The following NCAM2 variants were observed in gnomAD, a reference collection of about 807,000 sequenced individuals.
NCAM2 encodes N-CAM-2.
Under a neutral mutation model 98.1 loss-of-function variants are expected in NCAM2, and 30 were observed. The ratio of observed to expected loss-of-function variants is 0.31; its 90% confidence interval spans 0.23 to 0.41. The LOEUF (loss-of-function observed/expected upper bound fraction) is 0.41. Among genes scored for constraint, NCAM2 ranks in the 10% least tolerant of loss-of-function variants. The pLI, the probability that NCAM2 is intolerant of heterozygous loss-of-function variation, is 1.00. For synonymous variants in NCAM2, 368 were observed against 342.4 expected, an observed-to-expected ratio of 1.07 and a Z score of -0.83; for missense variants, 867 against 1,005.8, an observed-to-expected ratio of 0.86 and a Z score of 1.87.
At chr21:21,129,016 C>A (rs534366988) in intron 1 of NCAM2, among the ~76,000 whole-genome samples, 3 of 152,134 alleles carry the variant, frequency 2.0e-5, no homozygotes, top group African/African-American at 7.2e-5. Context: ...CCAAGAACAA[C>A]AAATATTATC....
intron 1 of NCAM2, among the ~76,000 whole-genome samples, chr21:21,272,986 C>T (rs1601833923): frequency 6.5e-4 from 1 of 1,528 alleles, no homozygotes. Context: ...CACACACATA[C>T]ACACACACAC....
chr21:21,370,698 G>T (rs1239381989), intron 8 of NCAM2, among the ~76,000 whole-genome samples: 1 of 151,672 alleles, frequency 6.6e-6, no homozygotes, highest in East Asian at 1.9e-4. Flanking sequence ...TAGACAACCT[G>T]GTCATTCAGC....
intron 12 of NCAM2, among the ~76,000 whole-genome samples, chr21:21,459,222 C>T (rs556756797): frequency 4.0e-5 from 6 of 151,724 alleles, no homozygotes; most frequent in East Asian, 3.9e-4. Flanking sequence ...TGTAGAGAAA[C>T]GGTAACAGTG....
chr21:21,011,769 T>A (rs2064216332), intron 1 of NCAM2, among the ~76,000 whole-genome samples: 1 of 151,978 alleles, frequency 6.6e-6, no homozygotes, highest in Non-Finnish European at 1.5e-5. Context: ...TATAAGTAGT[T>A]CAGATAACTC....
At chr21:21,496,992 A>G (rs549961921) in intron 15 of NCAM2, among the ~76,000 whole-genome samples, 47 of 152,160 alleles carry the variant, frequency 3.1e-4, no homozygotes, top group Non-Finnish European at 6.3e-4. Context: ...TGTATAAAGA[A>G]AATGTGGCAC....
intron 15 of NCAM2, among the ~76,000 whole-genome samples, chr21:21,493,866 C>T (rs1274228964): frequency 2.0e-5 from 3 of 151,842 alleles, no homozygotes; most frequent in South Asian, 2.1e-4. Context: ...AAGGTTTCTA[C>T]GTGTCTTTTT....
At chr21:21,401,347 CA>C (rs1256293864) in intron 9 of NCAM2, among the ~76,000 whole-genome samples, 8 of 152,114 alleles carry the variant, frequency 5.3e-5, no homozygotes, top group Admixed American at 1.3e-4. Flanking sequence ...ACTGTCTTAG[CA>C]ATTTTTAAAC....
intron 12 of NCAM2, among the ~76,000 whole-genome samples, chr21:21,440,070 A>G (rs926410431): frequency 1.3e-5 from 2 of 152,308 alleles, no homozygotes; most frequent in African/African-American, 2.4e-5. Flanking sequence ...TTCTCTTAGT[A>G]TATTTGGCTC....
intron 5 of NCAM2, among the ~76,000 whole-genome samples, chr21:21,294,116 T>G (rs1194909262): frequency 3.3e-5 from 5 of 151,728 alleles, no homozygotes; most frequent in Non-Finnish European, 7.4e-5. Flanking sequence ...TCATTACTTT[T>G]AATGACAGAC....
intron 12 of NCAM2, among the ~76,000 whole-genome samples, chr21:21,433,203 T>C (rs2077381995): frequency 6.6e-6 from 1 of 152,210 alleles, no homozygotes; most frequent in South Asian, 2.1e-4. Flanking sequence ...ATCAGTCATC[T>C]ATCATGTACC....
chr21:21,414,594 C>A (rs1002448911), intron 10 of NCAM2, among the ~76,000 whole-genome samples: 1 of 151,984 alleles, frequency 6.6e-6, no homozygotes, highest in South Asian at 2.1e-4. Flanking sequence ...CTCACCCTCC[C>A]GAGTAGCTGG....
chr21:21,503,288 T>G (rs1800224358), intron 15 of NCAM2, among the ~76,000 whole-genome samples: 1 of 151,910 alleles, frequency 6.6e-6, no homozygotes, highest in Admixed American at 6.6e-5. Context: ...ATAGAACAAT[T>G]ACAACAATTT....
In NCAM2 at chr21:21,335,978, G is replaced by A. The variant is rs189027085; in HGVS notation, c.898+313G>A. Among the ~76,000 whole-genome samples the A allele has an allele frequency of 9.9e-5, 15 of 152,134 alleles. No individual in the cohort carries two copies. In the East Asian group the frequency reaches 1.4e-3, roughly 14 times the overall value. On this transcript the variant is annotated intron_variant, in intron 7 of 17. Coordinates refer to ENST00000400546, the MANE Select transcript of NCAM2 (RefSeq NM_004540.5). ...GTAAGTCTCTAAATGACACATGTTA[G>A]GATCAGTTTTACTTACAATATAGTT...
intron 15 of NCAM2, among the ~76,000 whole-genome samples, 183 bp from the exon 16 acceptor site, chr21:21,508,668 A>G (rs1988143986): frequency 6.6e-6 from 1 of 151,994 alleles, no homozygotes; most frequent in Admixed American, 6.6e-5. Flanking sequence ...AAACCAGGGA[A>G]TAGGCGTCAA....
intron 5 of NCAM2, among the ~76,000 whole-genome samples, chr21:21,316,533 CT>C (rs34341259): frequency 0.056 from 6,227 of 110,706 alleles, 139 homozygotes; most frequent in East Asian, 0.28. Flanking sequence ...ATCTTTTATT[CT>C]TTTTTTTTTT....
At chr21:21,519,430 G>T (rs1322242487) in intron 16 of NCAM2, among the ~76,000 whole-genome samples, 1 of 151,954 alleles carries the variant, frequency 6.6e-6, no homozygotes, top group African/African-American at 2.4e-5. Context: ...ATATAGTTGG[G>T]GTAGTGTCAA....
chr21:21,124,084 G>C (rs899576770), intron 1 of NCAM2, among the ~76,000 whole-genome samples: 1 of 116 alleles, frequency 8.6e-3, no homozygotes, highest in African/African-American at 0.031. Flanking sequence ...TTGACCTCAT[G>C]ATCCGGCCCA....
chr21:21,494,893 TTTG>T (rs1177166081), intron 15 of NCAM2, among the ~76,000 whole-genome samples: 2 of 53,264 alleles, frequency 3.8e-5, no homozygotes, highest in Non-Finnish European at 8.0e-5. Context: ...TATGTATGAA[TTTG>T]TTTTTAGCCA....
chr21:21,232,838 A>G (rs915687941), intron 1 of NCAM2, among the ~76,000 whole-genome samples: 12 of 151,738 alleles, frequency 7.9e-5, no homozygotes, highest in Non-Finnish European at 1.6e-4. Context: ...TTTGACCCAG[A>G]CTTAAAAAAA....
Sources: allele counts gnomAD v4.1 joint callset (sites outside exome capture counted in the v4.1 genomes callset), GRCh38; gene constraint gnomAD v4.1.1; transcripts MANE v1.5; gene names NCBI Gene and HGNC (gene_info 2026-07-23, HGNC 2026-07-21).